LDAH: variants seen among roughly 807,000 people sequenced by gnomAD.
LDAH encodes the protein lipid droplet-associated hydrolase.
Under a neutral mutation model 29.6 loss-of-function variants are expected in LDAH, and 26 were observed. That is an observed-to-expected ratio of 0.88 (90% CI 0.64 to 1.22). The LOEUF is 1.22. LDAH is among the 50% of genes most tolerant of loss of function. The probability of loss-of-function intolerance (pLI) is 0.00; values close to 1 mark genes in which losing one functional copy is unlikely to be tolerated. For synonymous variants in LDAH, 117 were observed against 133.0 expected, an observed-to-expected ratio of 0.88 and a Z score of 0.83; for missense variants, 344 against 387.3, an observed-to-expected ratio of 0.89 and a Z score of 0.94.
At chr2:20,688,969 C>G (rs1417848111) in intron 6 of LDAH, among the ~76,000 whole-genome samples, 1 of 151,502 alleles carries the variant, frequency 6.6e-6, no homozygotes, top group Non-Finnish European at 1.5e-5. Flanking sequence ...AGGTATTTCT[C>G]CTAATGCTAT....
rs745696763 is a variant in LDAH at position 20,790,357 on chromosome 2, C to T, written c.196G>A (p.Ala66Thr). Residue 66 changes from alanine to threonine, a missense_variant, in exon 3 of 7, where the codon GCT becomes ACT. Coordinates refer to ENST00000237822, the MANE Select transcript of LDAH (RefSeq NM_021925.4). ...CGTCTGTTTGTCAAAGAGTATAAAGCCTTTGCAAATGGCACATAAAAGGCA... is the reference window on the plus strand; with the variant it reads ...CGTCTGTTTGTCAAAGAGTATAAAGTCTTTGCAAATGGCACATAAAAGGCA... ...FSAFYVPFAK[A>T]LYSLTNRRFP... 4 of 1,614,040 alleles carry T rather than the reference C, an allele frequency of 2.5e-6. No individual in the cohort carries two copies. The highest frequency in any genetic ancestry group is 2.5e-6 in the Non-Finnish European group (3 of 1,179,970).
At chr2:20,699,026 C>T (rs1364921005) in intron 6 of LDAH, among the ~76,000 whole-genome samples, 1 of 152,180 alleles carries the variant, frequency 6.6e-6, no homozygotes, top group Non-Finnish European at 1.5e-5. Context: ...AAGTAGAATG[C>T]TGTCTGCATG....
intron 3 of LDAH, 149 bp from the exon 4 acceptor site, chr2:20,775,128 T>A: frequency 1.5e-6 from 1 of 680,060 alleles, no homozygotes; most frequent in Non-Finnish European, 2.4e-6. Flanking sequence ...TTCATTATAT[T>A]AACTAATTTT....
chr2:20,711,838 G>A (rs1664787762), intron 5 of LDAH, among the ~76,000 whole-genome samples: 1 of 152,236 alleles, frequency 6.6e-6, no homozygotes, highest in South Asian at 2.1e-4. Flanking sequence ...AGGGGGAGGG[G>A]CGTCCACCAT....
chr2:20,717,998 T>G (rs55961802), intron 5 of LDAH, among the ~76,000 whole-genome samples: 1 of 152,084 alleles, frequency 6.6e-6, no homozygotes, highest in Non-Finnish European at 1.5e-5. Flanking sequence ...TTGTAAGCAC[T>G]ATAGTAACCC....
chr2:20,690,627 G>A (rs866962626), intron 6 of LDAH, among the ~76,000 whole-genome samples: 10 of 152,212 alleles, frequency 6.6e-5, no homozygotes, highest in Middle Eastern at 3.4e-3. Context: ...GATCTGACCG[G>A]AGAACTCCGC....
intron 4 of LDAH, 21 bp downstream of exon 4, chr2:20,774,789 T>C: frequency 6.2e-7 from 1 of 1,611,628 alleles, no homozygotes; most frequent in South Asian, 1.1e-5. Context: ...CACCCACAGT[T>C]ACCTCTGGAG....
intron 5 of LDAH, among the ~76,000 whole-genome samples, chr2:20,713,017 C>A (rs1664884448): frequency 6.6e-6 from 1 of 152,162 alleles, no homozygotes; most frequent in African/African-American, 2.4e-5. Flanking sequence ...GGCCAACATT[C>A]AAATTCCGGA....
chr2:20,697,225 T>C (rs1030307682), intron 6 of LDAH, among the ~76,000 whole-genome samples: 2 of 152,210 alleles, frequency 1.3e-5, no homozygotes, highest in Non-Finnish European at 1.5e-5. Context: ...CCCTGTCTTA[T>C]TACCAAGTCC....
At chr2:20,750,643 T>C (rs139274504) in intron 4 of LDAH, among the ~76,000 whole-genome samples, 1 of 152,242 alleles carries the variant, frequency 6.6e-6, no homozygotes, top group South Asian at 2.1e-4. Flanking sequence ...ATTAAGTAAT[T>C]AAGCACATTT....
intron 5 of LDAH, among the ~76,000 whole-genome samples, chr2:20,719,540 A>G (rs1665493674): frequency 6.6e-6 from 1 of 152,178 alleles, no homozygotes; most frequent in African/African-American, 2.4e-5. Flanking sequence ...GCTGAATTCT[A>G]CCAAACATCT....
chr2:20,756,231 C>T (rs1668332725), intron 4 of LDAH, among the ~76,000 whole-genome samples: 1 of 152,052 alleles, frequency 6.6e-6, no homozygotes, highest in Admixed American at 6.6e-5. Context: ...GACGGGGTTT[C>T]ACCATATTGG....
chr2:20,712,757 C>T (rs1332257328), intron 5 of LDAH, among the ~76,000 whole-genome samples: 3 of 152,194 alleles, frequency 2.0e-5, no homozygotes, highest in South Asian at 4.1e-4. Flanking sequence ...GCTTCAATAG[C>T]CGATTTGGTC....
In LDAH at chr2:20,794,260, G is replaced by A. The variant is rs1015898619; in HGVS notation, c.155-3862C>T. ...AACAGCATGAGAAAGACCTGCTCCC[G>A]TGATTCAATTACCTCCCACTGAGCC... is the stretch of plus-strand genomic sequence containing the variant. On this transcript the variant is annotated intron_variant, in intron 2 of 6. Coordinates refer to ENST00000237822, the MANE Select transcript of LDAH (RefSeq NM_021925.4). Among the ~76,000 whole-genome samples the A allele has an allele frequency of 5.9e-5, 9 of 152,224 alleles. No homozygotes were observed. The East Asian group carries it at 7.7e-4, about 13-fold the overall frequency.
At position 20,697,733 on chromosome 2, in the gene LDAH, G is replaced by A. The variant is rs138582223; in HGVS notation, c.786+3837C>T. ...TCTAACGCAGGGCTTCTTTGCTTGC[G>A]GTGTACAGGTCCAGAGGTTTGGAGA... On this transcript the variant is annotated intron_variant, in intron 6 of 6. Transcript: ENST00000237822. Among the ~76,000 whole-genome samples the A allele has an allele frequency of 1.6e-3, 241 of 152,108 alleles. 1 individual carries two copies. Among genetic ancestry groups the A allele is most frequent in the African/African-American group, 5.4e-3 (222 of 41,484 alleles).
chr2:20,778,104 C>G (rs1307136484), intron 3 of LDAH, among the ~76,000 whole-genome samples: 2 of 152,174 alleles, frequency 1.3e-5, no homozygotes, highest in African/African-American at 4.8e-5. Flanking sequence ...AAAGAGAGAT[C>G]AGACTGTTAT....
intron 4 of LDAH, among the ~76,000 whole-genome samples, chr2:20,763,667 G>T (rs947035019): frequency 7.2e-5 from 11 of 152,148 alleles, no homozygotes; most frequent in Non-Finnish European, 1.3e-4. Context: ...AACTTCATTT[G>T]CCCCACCTGT....
intron 2 of LDAH, among the ~76,000 whole-genome samples, chr2:20,795,363 T>C (rs527761126): frequency 6.6e-6 from 1 of 152,234 alleles, no homozygotes; most frequent in Non-Finnish European, 1.5e-5. Flanking sequence ...GGTTGCCATG[T>C]AGACAGACCT....
chr2:20,801,264 T>A, intron 2 of LDAH, 46 bp downstream of exon 2: 1 of 1,573,966 alleles, frequency 6.4e-7, no homozygotes, highest in Non-Finnish European at 8.6e-7. Context: ...CAGACATAGT[T>A]ATGAGTATCT....
Sources: allele counts gnomAD v4.1 joint callset (sites outside exome capture counted in the v4.1 genomes callset), GRCh38; gene constraint gnomAD v4.1.1; transcripts MANE v1.5; gene names NCBI Gene and HGNC (gene_info 2026-07-23, HGNC 2026-07-21).